CBLN2: variants seen among roughly 807,000 people sequenced by gnomAD.
CBLN2 encodes cerebellin-2.
A neutral mutation model predicts 15.0 loss-of-function variants in CBLN2; 7 were observed. The observed-to-expected ratio is 0.47, with a 90% CI of 0.27 to 0.88. The LOEUF is 0.88. Among genes scored for constraint, CBLN2 ranks in the 40% least tolerant of loss-of-function variants. The pLI is 0.14. For synonymous variants in CBLN2, 149 were observed against 135.2 expected, an observed-to-expected ratio of 1.10 and a Z score of -0.71; for missense variants, 242 against 304.5, an observed-to-expected ratio of 0.79 and a Z score of 1.53.
At position 72,538,164 on chromosome 18, in the gene CBLN2, G is replaced by T; in HGVS notation, c.*12C>A. 1 of 1,613,950 alleles carries T rather than the reference G, an allele frequency of 6.2e-7. No individual in the cohort carries two copies. Among genetic ancestry groups the T allele is most frequent in the Non-Finnish European group, 8.5e-7 (1 of 1,179,956 alleles). On this transcript the variant is annotated 3_prime_UTR_variant, in exon 5 of 5. Transcript: ENST00000269503. ...AGTTTGCCATTCCCCCACCATCTAG[G>T]GGGCTCTGTGTTTATAGAGGAAACA...
At chr18:72,595,090 T>C (rs769241841) in intron 1 of CBLN2, among the ~76,000 whole-genome samples, 8 of 152,034 alleles carry the variant, frequency 5.3e-5, no homozygotes, top group Non-Finnish European at 1.0e-4. Flanking sequence ...TGGTTTGCTC[T>C]TGCTTTTCTA....
intron 1 of CBLN2, among the ~76,000 whole-genome samples, chr18:72,576,746 T>C (rs948988819): frequency 9.9e-5 from 15 of 151,820 alleles, no homozygotes; most frequent in Non-Finnish European, 1.6e-4. Context: ...TTTTAGTATT[T>C]TGGAAAATTA....
chr18:72,561,738 A>G (rs569095584), intron 1 of CBLN2, among the ~76,000 whole-genome samples: 1 of 152,328 alleles, frequency 6.6e-6, no homozygotes, highest in South Asian at 2.1e-4. Context: ...AGAGTTGGAT[A>G]TGGAAACTAT....
At chr18:72,544,914 A>T (rs1418296187), upstream of CBLN2, among the ~76,000 whole-genome samples, 7 of 151,866 alleles carry the variant, frequency 4.6e-5, no homozygotes, top group East Asian at 5.8e-4. Flanking sequence ...ATTTTTTTTT[A>T]AAACATGGTT....
upstream of CBLN2, among the ~76,000 whole-genome samples, chr18:72,544,813 C>T (rs1598990973): frequency 1.3e-5 from 2 of 152,080 alleles, no homozygotes; most frequent in Non-Finnish European, 2.9e-5. Context: ...CGGTTATTAT[C>T]GTCGGCACAA....
chr18:72,625,900 A>G (rs1014128308), intron 1 of CBLN2, among the ~76,000 whole-genome samples: 5 of 148,072 alleles, frequency 3.4e-5, no homozygotes, highest in African/African-American at 1.2e-4. Flanking sequence ...ATGTTCTTAT[A>G]CTATTTTGGA....
chr18:72,563,472 G>A lies in CBLN2; in HGVS notation c.16-24700C>T, dbSNP rs113062141. ...ATTTCCCCCCACCCCATAACACAAG[G>A]AGGAACAAATAAAATAAACATCTTG... On this transcript the variant is annotated intron_variant, in intron 1 of 2. Transcript: ENST00000581073. 9.8e-3 allele frequency among the ~76,000 whole-genome samples: 1,496 copies of A among 152,100 alleles called. 28 individuals are homozygous for A. The highest frequency in any genetic ancestry group is 0.034 in the African/African-American group (1,430 of 41,480).
chr18:72,583,424 G>C (rs906230451), intron 1 of CBLN2, among the ~76,000 whole-genome samples: 1 of 152,036 alleles, frequency 6.6e-6, no homozygotes, highest in African/African-American at 2.4e-5. Context: ...ATACACTCAT[G>C]CTATACTTTG....
At position 72,596,121 on chromosome 18, in the gene CBLN2, C is replaced by G. The variant is rs1205500462; in HGVS notation, c.15+42204G>C. 2.6e-5 allele frequency among the ~76,000 whole-genome samples: 4 copies of G among 152,090 alleles called. 1 individual carries two copies. In the South Asian group the frequency reaches 8.3e-4, roughly 32 times the overall value. On this transcript the variant is annotated intron_variant, in intron 1 of 2. Coordinates refer to the CBLN2 transcript ENST00000581073. The stretch of plus-strand genomic sequence containing the variant: ...TCTTCTCTTCCTTCTTTCTTTCCTT[C>G]CAGTCTTCCTTTTACTGAAGGTAAT...
At chr18:72,563,809 T>A (rs1193125721) in intron 1 of CBLN2, among the ~76,000 whole-genome samples, 1 of 152,182 alleles carries the variant, frequency 6.6e-6, no homozygotes, top group Non-Finnish European at 1.5e-5. Flanking sequence ...GGGCCAGGCT[T>A]GCACTCTCTC....
chr18:72,557,062 TCA>T (rs2069231243), intron 1 of CBLN2, among the ~76,000 whole-genome samples: 1 of 151,590 alleles, frequency 6.6e-6, no homozygotes, highest in South Asian at 2.1e-4. Flanking sequence ...TGAAATCTAC[TCA>T]GTTTTTCCCC....
chr18:72,607,201 C>T (rs1599020739), intron 1 of CBLN2, among the ~76,000 whole-genome samples: 1 of 152,194 alleles, frequency 6.6e-6, no homozygotes, highest in Non-Finnish European at 1.5e-5. Context: ...AAGGAACCAA[C>T]ACTGCCAACA....
At position 72,556,131 on chromosome 18, in the gene CBLN2, A is replaced by T. The variant is rs595815; in HGVS notation, c.16-17359T>A. ...CATAAGGAAAAAACAAGTTGTTTTC[A>T]TAATGAGTTGTTAAATTGCAGCACA... On this transcript the variant is annotated intron_variant, in intron 1 of 2. Transcript: ENST00000581073. Among the ~76,000 whole-genome samples the T allele has an allele frequency of 8.9e-3, 1,361 of 152,326 alleles. 18 individuals carry two copies. The highest frequency in any genetic ancestry group is 0.031 in the African/African-American group (1,284 of 41,556).
Position 72,542,326 on chromosome 18 carries a change from C to T in CBLN2, c.-166G>A, listed in dbSNP as rs2069122089. On this transcript the variant is annotated splice_region_variant and 5_prime_UTR_variant, in exon 3 of 5. Coordinates refer to ENST00000269503, the MANE Select transcript of CBLN2 (RefSeq NM_182511.4). ...TTCTCAGAAGAAAGGCGCCTGTGAA[C>T]CTGTCAGGGCACAGAACCCAAAGCC... 2 of 322,730 alleles carry T rather than the reference C, an allele frequency of 6.2e-6. No homozygotes were observed. Among genetic ancestry groups the T allele is most frequent in the South Asian group, 3.0e-4 (2 of 6,714 alleles). The allele number at this position is 322,730 out of a possible 1,614,324, so 20.0% of individuals were successfully genotyped here.
intron 1 of CBLN2, among the ~76,000 whole-genome samples, chr18:72,572,094 C>A (rs1270435017): frequency 2.0e-5 from 3 of 152,080 alleles, no homozygotes; most frequent in Non-Finnish European, 4.4e-5. Flanking sequence ...ACTGTGGAGC[C>A]CATAATCTAG....
intron 4 of CBLN2, 140 bp from the exon 5 acceptor site, chr18:72,538,513 C>T (rs1030543138): frequency 8.4e-6 from 12 of 1,429,476 alleles, no homozygotes; most frequent in Middle Eastern, 2.0e-4. Context: ...GTGAGCACTC[C>T]CAGCTAGTTC....
At chr18:72,627,743 C>T (rs2069749904) in intron 1 of CBLN2, among the ~76,000 whole-genome samples, 1 of 152,218 alleles carries the variant, frequency 6.6e-6, no homozygotes, top group Non-Finnish European at 1.5e-5. Flanking sequence ...CATTAGCTCA[C>T]ATAAGATCAG....
chr18:72,619,556 T>C (rs2069685764), intron 1 of CBLN2, among the ~76,000 whole-genome samples: 1 of 152,100 alleles, frequency 6.6e-6, no homozygotes, highest in African/African-American at 2.4e-5. Context: ...AAACGCGTCT[T>C]AAAAAAAGAA....
chr18:72,552,742 A>C (rs2069199287), intron 1 of CBLN2: 1 of 152,194 alleles, frequency 6.6e-6, no homozygotes, highest in African/African-American at 2.4e-5. Context: ...AAAAGAAATA[A>C]AGAAGGCTAG....
Sources: allele counts gnomAD v4.1 joint callset (sites outside exome capture counted in the v4.1 genomes callset), GRCh38; gene constraint gnomAD v4.1.1; transcripts MANE v1.5; gene names NCBI Gene and HGNC (gene_info 2026-07-23, HGNC 2026-07-21).